The following PHLPP1 variants were observed in gnomAD, a reference collection of about 807,000 sequenced individuals.
PHLPP1 encodes the protein PH domain leucine-rich repeat-containing protein phosphatase 1.
A neutral mutation model predicts 117.2 loss-of-function variants in PHLPP1; 42 were observed. The observed-to-expected ratio is 0.36, with a 90% CI of 0.28 to 0.46. The LOEUF (loss-of-function observed/expected upper bound fraction) is 0.46, where lower values mean the gene tolerates loss of function less well. Ranked by LOEUF, PHLPP1 falls within the 20% of genes least tolerant of loss-of-function variation. The pLI, the probability that PHLPP1 is intolerant of heterozygous loss-of-function variation, is 1.00. For synonymous variants in PHLPP1, 1,042 were observed against 970.7 expected (o/e 1.07, Z -1.37); for missense variants, 2,084 against 2,241.9 (o/e 0.93, Z 1.42).
chr18:62,851,485 G>A (rs561907896), intron 3 of PHLPP1, among the ~76,000 whole-genome samples: 12 of 152,248 alleles, frequency 7.9e-5, no homozygotes, highest in Non-Finnish European at 1.6e-4. Flanking sequence ...TTTTGAGATG[G>A]AGTCTTGCTC....
At chr18:62,728,774 T>A (rs1911148402) in intron 1 of PHLPP1, among the ~76,000 whole-genome samples, 1 of 152,148 alleles carries the variant, frequency 6.6e-6, no homozygotes, top group Non-Finnish European at 1.5e-5. Context: ...CCCAAAGTGC[T>A]GGGATTACAG....
intron 11 of PHLPP1, 54 bp downstream of exon 11, chr18:62,941,972 A>T (rs1910144451): frequency 7.1e-7 from 1 of 1,399,014 alleles, no homozygotes; most frequent in Admixed American, 1.8e-5. Context: ...AAGTGTATTC[A>T]TAGAAAGGTG....
intron 1 of PHLPP1, among the ~76,000 whole-genome samples, chr18:62,778,672 T>G (rs557877570): frequency 2.2e-3 from 334 of 152,254 alleles, no homozygotes; most frequent in African/African-American, 7.8e-3. Context: ...CTTTAGAGGG[T>G]TTTTTTAAAT....
At chr18:62,906,460 G>C (rs566571606) in intron 8 of PHLPP1, 27 of 149,750 alleles carry the variant, frequency 1.8e-4, no homozygotes, top group African/African-American at 6.4e-4. Flanking sequence ...CACCATGCGC[G>C]AGCCGAAGCA....
At chr18:62,749,324 A>T (rs1911775613) in intron 1 of PHLPP1, among the ~76,000 whole-genome samples, 1 of 152,116 alleles carries the variant, frequency 6.6e-6, no homozygotes, top group Admixed American at 6.5e-5. Flanking sequence ...CTTAAAAAAG[A>T]TACCTACTTG....
chr18:62,918,163 G>A (rs867483571), intron 9 of PHLPP1, among the ~76,000 whole-genome samples: 7 of 136,456 alleles, frequency 5.1e-5, no homozygotes, highest in Admixed American at 8.0e-5. Flanking sequence ...CCAAGATTGC[G>A]CCATTGCACT....
chr18:62,868,736 C>T (rs1278922321), intron 4 of PHLPP1, among the ~76,000 whole-genome samples: 2 of 151,922 alleles, frequency 1.3e-5, no homozygotes, highest in African/African-American at 2.4e-5. Flanking sequence ...TCTAATTTCC[C>T]AAACCTATCA....
chr18:62,799,623 T>C (rs1360489181), intron 1 of PHLPP1, among the ~76,000 whole-genome samples: 1 of 152,216 alleles, frequency 6.6e-6, no homozygotes, highest in African/African-American at 2.4e-5. Context: ...ATCTTCCTGC[T>C]GTATTTTCCC....
intron 10 of PHLPP1, among the ~76,000 whole-genome samples, chr18:62,937,681 A>T (rs953319602): frequency 2.6e-5 from 4 of 152,148 alleles, no homozygotes; most frequent in African/African-American, 9.7e-5. Context: ...GAAATATGAG[A>T]GGTTATATCT....
intron 1 of PHLPP1, among the ~76,000 whole-genome samples, chr18:62,761,501 C>T (rs547924444): frequency 8.6e-5 from 13 of 151,992 alleles, no homozygotes; most frequent in African/African-American, 2.7e-4. Flanking sequence ...GATGTGGTGG[C>T]GGGCGCTTGT....
intron 4 of PHLPP1, among the ~76,000 whole-genome samples, chr18:62,872,303 A>G (rs886907526): frequency 3.9e-5 from 6 of 152,248 alleles, no homozygotes; most frequent in Admixed American, 2.6e-4. Flanking sequence ...GAATTGTCTT[A>G]GCCTCCATTC....
chr18:62,877,874 C>T (rs1166317966), intron 4 of PHLPP1, among the ~76,000 whole-genome samples: 1 of 152,156 alleles, frequency 6.6e-6, no homozygotes, highest in East Asian at 1.9e-4. Flanking sequence ...TCATATAGTA[C>T]ATTTTGAAGA....
At chr18:62,770,650 G>T (rs1453061782) in intron 1 of PHLPP1, among the ~76,000 whole-genome samples, 3 of 151,984 alleles carry the variant, frequency 2.0e-5, no homozygotes, top group Non-Finnish European at 4.4e-5. Flanking sequence ...CTTCATTAAA[G>T]ATTCATAGTT....
intron 4 of PHLPP1, among the ~76,000 whole-genome samples, chr18:62,893,111 G>A (rs939905757): frequency 1.3e-5 from 2 of 151,106 alleles, no homozygotes; most frequent in Admixed American, 6.6e-5. Context: ...GCGTGATCTC[G>A]GTTCACCACA....
intron 10 of PHLPP1, among the ~76,000 whole-genome samples, chr18:62,921,168 A>G (rs1336287300): frequency 6.6e-6 from 1 of 152,202 alleles, no homozygotes; most frequent in African/African-American, 2.4e-5. Flanking sequence ...AGTGTTTCAT[A>G]ACCTGAGTTA....
chr18:62,777,931 A>T (rs1027071941), intron 1 of PHLPP1, among the ~76,000 whole-genome samples: 2 of 152,190 alleles, frequency 1.3e-5, no homozygotes, highest in Non-Finnish European at 2.9e-5. Context: ...AATTACTCCA[A>T]TCATTCGTGT....
At chr18:62,807,126 C>T (rs1913973442) in intron 1 of PHLPP1, among the ~76,000 whole-genome samples, 1 of 151,786 alleles carries the variant, frequency 6.6e-6, no homozygotes, top group African/African-American at 2.4e-5. Flanking sequence ...GGGATTATTT[C>T]AATCTTTGGG....
chr18:62,844,788 A>G (rs1304897134), intron 3 of PHLPP1, among the ~76,000 whole-genome samples: 1 of 152,200 alleles, frequency 6.6e-6, no homozygotes, highest in Admixed American at 6.6e-5. Context: ...AGCATGTGGT[A>G]CCCAAGAAAA....
At chr18:62,842,308 G>T (rs1360387939) in intron 3 of PHLPP1, among the ~76,000 whole-genome samples, 1 of 151,966 alleles carries the variant, frequency 6.6e-6, no homozygotes, top group African/African-American at 2.4e-5. Context: ...TTGGGGAAAT[G>T]ATTTCCTCCT....
Sources: gnomAD v4.1 joint callset for allele counts (sites outside exome capture counted in the v4.1 genomes callset) on GRCh38, gnomAD v4.1.1 for gene constraint, MANE v1.5 for transcripts, NCBI Gene and HGNC (gene_info 2026-07-23, HGNC 2026-07-21) for gene names.